SNAP91: variants seen among roughly 807,000 people sequenced by gnomAD.
SNAP91 encodes the protein clathrin coat assembly protein AP180.
A neutral mutation model predicts 100.3 loss-of-function variants in SNAP91; 27 were observed. The observed-to-expected ratio is 0.27, with a 90% CI of 0.20 to 0.37. The LOEUF (loss-of-function observed/expected upper bound fraction) is 0.37, where lower values mean the gene tolerates loss of function less well. SNAP91 is among the 10% of genes least tolerant of loss of function. The pLI is 1.00. For synonymous variants in SNAP91, 404 were observed against 398.6 expected (o/e 1.01, Z -0.16); for missense variants, 986 against 1,123.7 (o/e 0.88, Z 1.75).
intron 12 of SNAP91, among the ~76,000 whole-genome samples, chr6:83,608,644 G>A (rs1023735382): frequency 6.6e-6 from 1 of 151,822 alleles, no homozygotes. Flanking sequence ...CCCCTAACTG[G>A]GCATCTGACT....
chr6:83,606,692 CT>C (rs969131578), intron 13 of SNAP91, among the ~76,000 whole-genome samples: 1 of 152,212 alleles, frequency 6.6e-6, no homozygotes. Context: ...TCATCTTTAT[CT>C]TTTTTTACAT....
chr6:83,671,950 T>C (rs2128830922), intron 2 of SNAP91, among the ~76,000 whole-genome samples: 1 of 152,134 alleles, frequency 6.6e-6, no homozygotes, highest in Admixed American at 6.6e-5. Context: ...TTGTGAAAAA[T>C]TAATTACCCA....
At chr6:83,607,585 A>G (rs564529372) in intron 13 of SNAP91, 114 bp downstream of exon 13, 8 of 625,228 alleles carry the variant, frequency 1.3e-5, no homozygotes, top group Non-Finnish European at 2.1e-5. Flanking sequence ...AAAAACTTCA[A>G]CATTACTAGG....
intron 2 of SNAP91, among the ~76,000 whole-genome samples, chr6:83,687,928 T>C (rs987889560): frequency 2.4e-4 from 37 of 152,336 alleles, no homozygotes; most frequent in African/African-American, 8.7e-4. Context: ...GCAGTTGTTA[T>C]CTACCGAGAG....
Position 83,661,506 on chromosome 6 carries a change from T to A in SNAP91, c.448A>T (p.Lys150Ter). 6.3e-7 allele frequency: 1 copy of A among 1,595,738 alleles called. No homozygotes were observed. Among genetic ancestry groups the A allele is most frequent in the Non-Finnish European group, 8.6e-7 (1 of 1,167,366 alleles). ...QMAFDFARVKKGADGVMRTMA... is the reference protein window; with the variant it reads ...QMAFDFARVK ...ATAAGAAAGACAAAAACATACCCTT[T>A]CTTCACCCTGGCAAAATCAAAGGCC... The change falls in exon 5 of 30, where the codon AAA (lysine) becomes TAA (stop). Residue 150 changes from lysine (K) to a stop codon, truncating the protein, a stop_gained. Transcript: ENST00000369694. LOFTEE classifies it high-confidence loss of function.
intron 11 of SNAP91, 132 bp downstream of exon 11, chr6:83,614,725 A>G: frequency 1.6e-6 from 1 of 612,338 alleles, no homozygotes; most frequent in Non-Finnish European, 2.7e-6. Flanking sequence ...AGCATAATGA[A>G]AAAACACAGA....
chr6:83,663,332 G>C (rs1423988283), intron 3 of SNAP91, among the ~76,000 whole-genome samples: 1 of 152,146 alleles, frequency 6.6e-6, no homozygotes, highest in Non-Finnish European at 1.5e-5. Flanking sequence ...AGAGTGGCAT[G>C]TCGAAAGCTG....
intron 2 of SNAP91, among the ~76,000 whole-genome samples, chr6:83,666,401 A>G (rs2098686633): frequency 6.6e-6 from 1 of 152,108 alleles, no homozygotes; most frequent in South Asian, 2.1e-4. Flanking sequence ...CCAACAGTAC[A>G]GGATGACCTC....
intron 5 of SNAP91, among the ~76,000 whole-genome samples, chr6:83,660,885 C>A (rs901876091): frequency 1.3e-5 from 2 of 151,672 alleles, no homozygotes; most frequent in Non-Finnish European, 2.9e-5. Context: ...ATCAAGCAAT[C>A]CTCCTGCCTT....
chr6:83,697,437 G>A (rs958564627), intron 2 of SNAP91, among the ~76,000 whole-genome samples: 6 of 151,720 alleles, frequency 4.0e-5, no homozygotes, highest in Non-Finnish European at 7.4e-5. Flanking sequence ...GGTATGTACT[G>A]AGAGAAGTCC....
At chr6:83,686,072 C>A in intron 2 of SNAP91, 1 of 713,842 alleles carries the variant, frequency 1.4e-6, no homozygotes, top group Non-Finnish European at 1.7e-6. Context: ...CCAGTAGATG[C>A]ACAGTAGACA....
At chr6:83,630,632 G>C (rs533673224) in intron 8 of SNAP91, among the ~76,000 whole-genome samples, 1 of 152,166 alleles carries the variant, frequency 6.6e-6, no homozygotes, top group Admixed American at 6.5e-5. Flanking sequence ...TGTGTGTAAA[G>C]GTGTTCATAG....
chr6:83,589,602 T>A (rs1052168138), intron 22 of SNAP91, among the ~76,000 whole-genome samples: 5 of 152,150 alleles, frequency 3.3e-5, no homozygotes, highest in African/African-American at 1.2e-4. Context: ...GTCACTGGTA[T>A]GAGTGGTTTC....
At position 83,659,019 on chromosome 6, in the gene SNAP91, C is replaced by T. The variant is rs186218768; in HGVS notation, c.526G>A (p.Asp176Asn). 6.2e-7 allele frequency: 1 copy of T among 1,604,672 alleles called. No homozygotes were observed. The highest frequency in any genetic ancestry group is 1.7e-5 in the Admixed American group (1 of 58,986). The change falls in exon 6 of 30, where the codon GAT (aspartate) becomes AAT (asparagine). Residue 176 changes from aspartate to asparagine, a missense_variant. Physicochemically the swap from Asp to Asn is conservative, Grantham distance 23. Transcript: ENST00000369694. The part of the protein sequence containing the change: ...KSMPILQGQI[D>N]ALLEFDVHPN... ...CATACATCAAATTCAAGCAGTGCAT[C>T]AATTTGTCCCTGTAGTATTGGCATA...
At chr6:83,634,902 T>C (rs1479012998) in intron 8 of SNAP91, among the ~76,000 whole-genome samples, 1 of 152,264 alleles carries the variant, frequency 6.6e-6, no homozygotes, top group Admixed American at 6.5e-5. Flanking sequence ...GTTTACCCAA[T>C]AGTCATTCAG....
chr6:83,583,008 A>G (rs1358971990), intron 22 of SNAP91, among the ~76,000 whole-genome samples: 1 of 152,146 alleles, frequency 6.6e-6, no homozygotes, highest in Non-Finnish European at 1.5e-5. Flanking sequence ...ATCTTCTATC[A>G]GCTTCCCATC....
rs369619347 is a variant in SNAP91, at chr6:83,571,833, C to A, written c.2442+3177G>T. On this transcript the variant is annotated intron_variant, in intron 26 of 29. Transcript: ENST00000369694. The stretch of plus-strand genomic sequence containing the variant: ...CACCACCCAAATCTTATCTTGAATT[C>A]CCATGTGTTGTGGGAAGGATGCAAT... Among the ~76,000 whole-genome samples, 16 of 152,196 alleles carry A rather than the reference C, an allele frequency of 1.1e-4. No individual in the cohort carries two copies. In the East Asian group the frequency reaches 1.4e-3, roughly 13 times the overall value.
At position 83,659,061 on chromosome 6, in the gene SNAP91, C is replaced by T. The variant is rs577667798; in HGVS notation, c.484G>A (p.Glu162Lys). ...ADGVMRTMAP[E>K]KLLKSMPILQ... ...ATTGGCATACTCTTTAGCAGCTTTTCGGGAGCCATTGTCCTCATTACACCA... is the reference window on the plus strand; with the variant it reads ...ATTGGCATACTCTTTAGCAGCTTTTTGGGAGCCATTGTCCTCATTACACCA... The change falls in exon 6 of 30, where the codon GAA becomes AAA. Residue 162 changes from glutamate to lysine, a missense_variant. By Grantham distance (56) the Glu-to-Lys change is moderately conservative. Coordinates refer to ENST00000369694, the MANE Select transcript of SNAP91 (RefSeq NM_001242792.2). 6 of 1,603,990 alleles carry T rather than the reference C, an allele frequency of 3.7e-6. No individual in the cohort carries two copies. The highest frequency in any genetic ancestry group is 3.4e-5 in the Admixed American group (2 of 58,728).
At chr6:83,561,018 A>C in intron 26 of SNAP91, 71 bp from the exon 27 acceptor site, 2 of 927,864 alleles carry the variant, frequency 2.2e-6, no homozygotes, top group Non-Finnish European at 3.2e-6. Context: ...ACAATAAACA[A>C]ACAAAAAGAA....
Sources: allele counts gnomAD v4.1 joint callset (sites outside exome capture counted in the v4.1 genomes callset), GRCh38; gene constraint gnomAD v4.1.1; transcripts MANE v1.5; gene names NCBI Gene and HGNC (gene_info 2026-07-23, HGNC 2026-07-21).